DPP6: variants seen among roughly 807,000 people sequenced by gnomAD.
DPP6 encodes A-type potassium channel modulatory protein DPP6.
A neutral mutation model predicts 122.6 loss-of-function variants in DPP6; 69 were observed. The ratio of observed to expected loss-of-function variants is 0.56; its 90% CI spans 0.46 to 0.69. The LOEUF (loss-of-function observed/expected upper bound fraction) is 0.69, where lower values mean the gene tolerates loss of function less well. Among genes scored for constraint, DPP6 ranks in the 30% least tolerant of loss-of-function variants. The pLI is 0.00. For synonymous variants in DPP6, 418 were observed against 433.1 expected (o/e 0.97, Z 0.43); for missense variants, 928 against 1,116.9 (o/e 0.83, Z 2.41).
chr7:154,776,235 A>AGATAGATAGATAGATT (rs60194446), intron 10 of DPP6, among the ~76,000 whole-genome samples: 1 of 79,720 alleles, frequency 1.3e-5, no homozygotes, highest in Admixed American at 1.1e-4. Flanking sequence ...ATAGATAGAT[A>AGATAGATAGATAGATT]AACAGATACA....
intron 1 of DPP6, among the ~76,000 whole-genome samples, chr7:153,889,983 C>T (rs1799116852): frequency 6.6e-6 from 1 of 152,240 alleles, no homozygotes; most frequent in African/African-American, 2.4e-5. Context: ...CATGCCTAAT[C>T]TCTCAAGTTG....
At chr7:154,485,098 A>G (rs1406665346) in intron 3 of DPP6, among the ~76,000 whole-genome samples, 1 of 152,112 alleles carries the variant, frequency 6.6e-6, no homozygotes, top group East Asian at 1.9e-4. Context: ...GCAGAGAGTA[A>G]TAAAGTCCCC....
chr7:153,997,030 C>CCT lies in DPP6; in HGVS notation c.51+109316_51+109317dup, dbSNP rs139415383. On this transcript the variant is annotated intron_variant, in intron 1 of 25. Transcript: ENST00000404039. The stretch of plus-strand genomic sequence containing the variant: ...ATTAAAAAAATGGAAAATCTTTATG[C>CCT]CTCTCTCTCTCTCTCTCTCTCCATC... Among the ~76,000 whole-genome samples the CCT allele has an allele frequency of 2.1e-3, 317 of 148,302 alleles. 3 individuals are homozygous for CCT. Among genetic ancestry groups the CCT allele is most frequent in the East Asian group, 0.015 (76 of 5,074 alleles).
chr7:154,098,930 A>T (rs1341210321), intron 1 of DPP6, among the ~76,000 whole-genome samples: 1 of 152,268 alleles, frequency 6.6e-6, no homozygotes, highest in African/African-American at 2.4e-5. Flanking sequence ...CTACACTTTA[A>T]AAGTAAATCA....
intron 1 of DPP6, among the ~76,000 whole-genome samples, chr7:153,925,389 G>A (rs1215413942): frequency 1.5e-4 from 22 of 148,806 alleles, no homozygotes; most frequent in Admixed American, 6.7e-4. Flanking sequence ...AGATCATCCC[G>A]CATCGTGGAG....
intron 18 of DPP6, among the ~76,000 whole-genome samples, chr7:154,870,414 G>A (rs1227849316): frequency 1.3e-5 from 2 of 151,216 alleles, no homozygotes; most frequent in African/African-American, 4.9e-5. Flanking sequence ...AGACAAGCCT[G>A]GCCAACATGG....
intron 1 of DPP6, among the ~76,000 whole-genome samples, chr7:153,910,126 T>G (rs1005459262): frequency 2.0e-5 from 3 of 152,190 alleles, no homozygotes; most frequent in Non-Finnish European, 4.4e-5. Flanking sequence ...TTAATCTGTC[T>G]TAAGTCAATT....
At chr7:154,639,155 C>A (rs1295058726) in intron 6 of DPP6, among the ~76,000 whole-genome samples, 1 of 152,174 alleles carries the variant, frequency 6.6e-6, no homozygotes, top group Non-Finnish European at 1.5e-5. Flanking sequence ...CCTTGGAAAA[C>A]AAACTCGAAT....
chr7:154,684,942 C>T (rs553242239), intron 7 of DPP6, among the ~76,000 whole-genome samples: 119 of 152,296 alleles, frequency 7.8e-4, no homozygotes, highest in Admixed American at 1.2e-3. Flanking sequence ...TATGTTACTG[C>T]ATGACAAGAT....
intron 9 of DPP6, 55 bp downstream of exon 9, chr7:154,769,626 A>G (rs1796126206): frequency 6.8e-7 from 1 of 1,478,086 alleles, no homozygotes; most frequent in Non-Finnish European, 9.0e-7. Context: ...GAACACCCCA[A>G]CCCTGCTCAC....
intron 1 of DPP6, among the ~76,000 whole-genome samples, chr7:154,110,829 C>T (rs1806520310): frequency 6.6e-6 from 1 of 151,586 alleles, no homozygotes; most frequent in Non-Finnish European, 1.5e-5. Flanking sequence ...GAAAACCTTC[C>T]AGGGTCTGGG....
At chr7:154,818,493 G>A (rs1056507338) in intron 16 of DPP6, among the ~76,000 whole-genome samples, 16 of 152,142 alleles carry the variant, frequency 1.1e-4, no homozygotes, top group Admixed American at 4.6e-4. Context: ...ATGCCTAACC[G>A]TAAATGAGTA....
chr7:153,873,914 C>G, the DPP6 span, among the ~76,000 whole-genome samples: 1 of 152,106 alleles, frequency 6.6e-6, no homozygotes, highest in African/African-American at 2.4e-5. Flanking sequence ...GACTTGGGGT[C>G]TAAAAGTAGA....
At chr7:153,923,401 A>G (rs889235839) in intron 1 of DPP6, among the ~76,000 whole-genome samples, 1 of 152,128 alleles carries the variant, frequency 6.6e-6, no homozygotes, top group Admixed American at 6.5e-5. Flanking sequence ...ATGTGGAGTG[A>G]TGGATTAAAT....
the DPP6 span, among the ~76,000 whole-genome samples, chr7:153,846,250 G>C: frequency 2.6e-5 from 4 of 152,030 alleles, no homozygotes; most frequent in South Asian, 8.3e-4. Flanking sequence ...TGTACTACTG[G>C]CTTTTCAAAT....
intron 16 of DPP6, among the ~76,000 whole-genome samples, chr7:154,831,795 C>T (rs1413598500): frequency 1.3e-5 from 2 of 152,178 alleles, no homozygotes; most frequent in Non-Finnish European, 2.9e-5. Context: ...ATCAAACCCA[C>T]ATCTGCGCCT....
chr7:154,783,967 C>G (rs1362892933), intron 10 of DPP6, among the ~76,000 whole-genome samples: 1 of 152,114 alleles, frequency 6.6e-6, no homozygotes, highest in Non-Finnish European at 1.5e-5. Context: ...TTCTTGGAGA[C>G]AGCTCTTCTC....
chr7:154,224,258 A>C (rs547652593), intron 1 of DPP6, among the ~76,000 whole-genome samples: 36 of 148,842 alleles, frequency 2.4e-4, no homozygotes, highest in Non-Finnish European at 4.7e-4. Context: ...GGAGGCGGAC[A>C]TTGCAGTGAG....
intron 1 of DPP6, among the ~76,000 whole-genome samples, chr7:154,359,403 G>A (rs1244786014): frequency 6.6e-6 from 1 of 152,126 alleles, no homozygotes; most frequent in Non-Finnish European, 1.5e-5. Flanking sequence ...ACCCCTTCAA[G>A]TCCTTGATGA....
Sources: gnomAD v4.1 joint callset for allele counts (sites outside exome capture counted in the v4.1 genomes callset) on GRCh38, gnomAD v4.1.1 for gene constraint, MANE v1.5 for transcripts, NCBI Gene and HGNC (gene_info 2026-07-23, HGNC 2026-07-21) for gene names.